The following STAU2 variants were observed in gnomAD, a reference collection of about 807,000 sequenced individuals.
STAU2 encodes the protein staufen double-stranded RNA binding protein 2.
Under a neutral mutation model 65.9 loss-of-function variants are expected in STAU2, and 20 were observed. The observed-to-expected ratio is 0.30, with a 90% CI of 0.21 to 0.44. The LOEUF (loss-of-function observed/expected upper bound fraction) is 0.44, where lower values mean the gene tolerates loss of function less well. Among genes scored for constraint, STAU2 ranks in the 20% least tolerant of loss-of-function variants. The pLI, the probability that STAU2 is intolerant of heterozygous loss-of-function variation, is 1.00. For synonymous variants in STAU2, 232 were observed against 233.9 expected, an observed-to-expected ratio of 0.99 and a Z score of 0.07; for missense variants, 558 against 683.9, an observed-to-expected ratio of 0.82 and a Z score of 2.05.
chr8:73,651,264 GC>G, intron 6 of STAU2: 2 of 675,490 alleles, frequency 3.0e-6, no homozygotes, highest in Non-Finnish European at 5.3e-6. Flanking sequence ...TGAGGAAAGG[GC>G]CAAACGCCTG....
At chr8:73,548,540 C>T (rs1338423868) in intron 13 of STAU2, among the ~76,000 whole-genome samples, 2 of 152,044 alleles carry the variant, frequency 1.3e-5, no homozygotes, top group Non-Finnish European at 2.9e-5. Flanking sequence ...ATGTATTCAG[C>T]GTGAATTATA....
chr8:73,583,422 A>G (rs1401361317), intron 11 of STAU2, among the ~76,000 whole-genome samples: 1 of 152,174 alleles, frequency 6.6e-6, no homozygotes, highest in African/African-American at 2.4e-5. Context: ...CTGGGATTAT[A>G]AGTGTGAGCC....
In STAU2 at chr8:73,640,972, A is replaced by C. The variant is rs77725237; in HGVS notation, c.411-23521T>G. Among the ~76,000 whole-genome samples, 461 of 152,316 alleles carry C rather than the reference A, an allele frequency of 3.0e-3. 1 individual carries two copies. The highest frequency in any genetic ancestry group is 0.011 in the African/African-American group (443 of 41,574). Reference sequence around the variant, plus strand: ...CCACAAAAAAGAAGCAATAAAAAAAACAGAAAAGTGTTGTTTCATTACACA... The same window carrying C: ...CCACAAAAAAGAAGCAATAAAAAAACCAGAAAAGTGTTGTTTCATTACACA... On this transcript the variant is annotated intron_variant, in intron 6 of 14. Coordinates refer to ENST00000524300, the MANE Select transcript of STAU2 (RefSeq NM_001164380.2).
chr8:73,599,398 G>C (rs1811457130), intron 10 of STAU2, among the ~76,000 whole-genome samples: 1 of 152,066 alleles, frequency 6.6e-6, no homozygotes, highest in South Asian at 2.1e-4. Flanking sequence ...ATATACAGGA[G>C]GTTCCCATAT....
At chr8:73,545,055 A>C (rs907500824) in intron 13 of STAU2, among the ~76,000 whole-genome samples, 1 of 152,196 alleles carries the variant, frequency 6.6e-6, no homozygotes, top group Non-Finnish European at 1.5e-5. Context: ...GCTTCAGCTG[A>C]ATCAGTTCCA....
At chr8:73,575,903 T>C (rs1214077194) in intron 12 of STAU2, among the ~76,000 whole-genome samples, 1 of 152,078 alleles carries the variant, frequency 6.6e-6, no homozygotes, top group Non-Finnish European at 1.5e-5. Context: ...CTGTTTTGCA[T>C]TTTTAATTTT....
rs567171945 is a variant in STAU2 at position 73,610,619 on chromosome 8, T to C, written c.891+3125A>G. 6.6e-5 allele frequency among the ~76,000 whole-genome samples: 10 copies of C among 152,002 alleles called. No individual in the cohort carries two copies. In the South Asian group the frequency reaches 1.9e-3, roughly 29 times the overall value. On this transcript the variant is annotated intron_variant, in intron 9 of 14. Transcript: ENST00000524300. ...TGATTGAAATGAACTACCAGCACCC[T>C]TGACAATTAAGTTATTCCTTGGACA...
chr8:73,714,862 A>T (rs1821131106), intron 3 of STAU2, among the ~76,000 whole-genome samples: 1 of 152,102 alleles, frequency 6.6e-6, no homozygotes, highest in African/African-American at 2.4e-5. Flanking sequence ...CGGGCAGATC[A>T]CCTGAGGTCA....
At chr8:73,538,043 T>C (rs948561895) in intron 13 of STAU2, among the ~76,000 whole-genome samples, 4 of 152,186 alleles carry the variant, frequency 2.6e-5, no homozygotes, top group Non-Finnish European at 1.5e-5. Context: ...ACTGATTTTC[T>C]TCAAAAGGGT....
intron 12 of STAU2, among the ~76,000 whole-genome samples, chr8:73,553,195 C>G (rs1285407790): frequency 6.6e-6 from 1 of 152,176 alleles, no homozygotes; most frequent in African/African-American, 2.4e-5. Context: ...TTATTCTTAT[C>G]TTTTGATCAG....
chr8:73,576,755 TA>T (rs753349921), intron 12 of STAU2, among the ~76,000 whole-genome samples: 1 of 152,222 alleles, frequency 6.6e-6, no homozygotes, highest in African/African-American at 2.4e-5. Context: ...TAAGATTTTA[TA>T]AAACTCCATC....
At chr8:73,491,019 C>CA (rs1821129404) in intron 13 of STAU2, among the ~76,000 whole-genome samples, 1 of 151,978 alleles carries the variant, frequency 6.6e-6, no homozygotes, top group Admixed American at 6.6e-5. Flanking sequence ...CAAGGCTGAT[C>CA]TCAAATCCTC....
intron 13 of STAU2, among the ~76,000 whole-genome samples, chr8:73,465,009 A>C (rs749308838): frequency 6.6e-6 from 1 of 152,254 alleles, no homozygotes; most frequent in Admixed American, 6.5e-5. Flanking sequence ...CAAAAAACTT[A>C]TAAGAATAAA....
intron 13 of STAU2, among the ~76,000 whole-genome samples, chr8:73,428,534 G>A (rs1817010325): frequency 6.6e-6 from 1 of 152,148 alleles, no homozygotes; most frequent in Non-Finnish European, 1.5e-5. Context: ...GCTACTGAGA[G>A]CCAGGAAATG....
At chr8:73,428,754 G>A (rs1315768813) in intron 13 of STAU2, among the ~76,000 whole-genome samples, 1 of 152,158 alleles carries the variant, frequency 6.6e-6, no homozygotes, top group Non-Finnish European at 1.5e-5. Context: ...AGAACCAAAT[G>A]ACCTGCTTCA....
chr8:73,449,313 G>A (rs1379767673), intron 13 of STAU2, among the ~76,000 whole-genome samples: 3 of 152,168 alleles, frequency 2.0e-5, no homozygotes, highest in East Asian at 3.9e-4. Flanking sequence ...TGCAGGTGGC[G>A]GCCTTCTGGC....
intron 1 of STAU2, among the ~76,000 whole-genome samples, chr8:73,746,579 TC>T: frequency 7.9e-6 from 1 of 125,802 alleles, no homozygotes; most frequent in South Asian, 3.1e-4. Context: ...CTGTCCTCCC[TC>T]CCCCGCCGGT....
At chr8:73,561,270 T>C (rs535134891) in intron 12 of STAU2, 55 of 328,374 alleles carry the variant, frequency 1.7e-4, no homozygotes, top group African/African-American at 1.2e-3. Context: ...CCACTCATCT[T>C]AATAATAAGG....
intron 14 of STAU2, among the ~76,000 whole-genome samples, 173 bp downstream of exon 14, chr8:73,422,441 A>G (rs115323815): frequency 0.012 from 1,812 of 152,300 alleles, 38 homozygotes; most frequent in African/African-American, 0.041. Flanking sequence ...ATATTACAGG[A>G]GATGTATATG....
Sources: allele counts gnomAD v4.1 joint callset (sites outside exome capture counted in the v4.1 genomes callset), GRCh38; gene constraint gnomAD v4.1.1; transcripts MANE v1.5; gene names NCBI Gene and HGNC (gene_info 2026-07-23, HGNC 2026-07-21).